ADAMTS16: variants seen among roughly 807,000 people sequenced by gnomAD.
ADAMTS16 encodes the protein ADAM metallopeptidase with thrombospondin type 1 motif 16.
In ADAMTS16, 94 loss-of-function variants were observed where a neutral mutation model predicts 145.8. The observed-to-expected ratio is 0.64, with a 90% CI of 0.55 to 0.77. The LOEUF is 0.77. Ranked by LOEUF, ADAMTS16 falls within the 30% of genes least tolerant of loss-of-function variation. ADAMTS16 has a pLI of 0.00. For missense variants in ADAMTS16, 1,585 were observed against 1,591.5 expected (o/e 1.00, Z 0.07); for synonymous variants, 659 against 604.3 (o/e 1.09, Z -1.33).
rs765015761 is a variant in ADAMTS16, at chr5:5,236,974, G to A, written c.2029G>A (p.Asp677Asn). 18 of 1,612,234 alleles carry A rather than the reference G, an allele frequency of 1.1e-5. No individual in the cohort carries two copies. The South Asian group carries it at 1.9e-4, about 17-fold the overall frequency. ...TGTGTGTATTTCTTTTTAAGATCAGGACTTATGCAAACTCTACTGTATCGC... is the reference window on the plus strand; with the variant it reads ...TGTGTGTATTTCTTTTTAAGATCAGAACTTATGCAAACTCTACTGTATCGC... ...WKPYTQVEDQ[D>N]LCKLYCIAEG... Residue 677 changes from aspartate (D) to asparagine (N), a missense_variant, in exon 14 of 23, where the codon GAC becomes AAC. Physicochemically the swap from Asp to Asn is conservative, Grantham distance 23. Around this residue, in one of 3 missense-constraint regions of ADAMTS16, gnomAD observed 834 missense variants for 811.7 expected, o/e 1.03. Coordinates refer to ENST00000274181, the MANE Select transcript of ADAMTS16 (RefSeq NM_139056.4).
At chr5:5,230,570 G>T (rs1010757883) in intron 11 of ADAMTS16, among the ~76,000 whole-genome samples, 1 of 152,198 alleles carries the variant, frequency 6.6e-6, no homozygotes. Context: ...GTTATTAAAT[G>T]TTGAGGCAGG....
intron 18 of ADAMTS16, among the ~76,000 whole-genome samples, chr5:5,285,020 A>G (rs1739054976): frequency 6.6e-6 from 1 of 152,180 alleles, no homozygotes; most frequent in Admixed American, 6.5e-5. Context: ...TTCTTTTGAG[A>G]TGTTCACAGT....
chr5:5,196,686 G>A (rs921088324), intron 8 of ADAMTS16, among the ~76,000 whole-genome samples: 1 of 152,180 alleles, frequency 6.6e-6, no homozygotes, highest in African/African-American at 2.4e-5. Context: ...ACCATGAATG[G>A]CACTTAGGTG....
intron 18 of ADAMTS16, 104 bp from the exon 19 acceptor site, chr5:5,303,164 A>G (rs1421209381): frequency 1.6e-6 from 2 of 1,240,492 alleles, no homozygotes; most frequent in Non-Finnish European, 2.2e-6. Context: ...CACACACACG[A>G]CCGTGGCTGG....
chr5:5,164,379 C>T lies in ADAMTS16; in HGVS notation c.502-17665C>T, dbSNP rs116721652. ...TGTGTTCTGCATAAGTCAAGGGGAGCGAGTTTGGCACATGACGCCTTCCTG... is the reference window on the plus strand; with the variant it reads ...TGTGTTCTGCATAAGTCAAGGGGAGTGAGTTTGGCACATGACGCCTTCCTG... On this transcript the variant is annotated intron_variant, in intron 3 of 22. Coordinates refer to ENST00000274181, the MANE Select transcript of ADAMTS16 (RefSeq NM_139056.4). Among the ~76,000 whole-genome samples, 768 of 152,294 alleles carry T rather than the reference C, an allele frequency of 5.0e-3. 7 individuals carry two copies. The highest frequency in any genetic ancestry group is 0.017 in the African/African-American group (726 of 41,574).
chr5:5,163,275 A>G (rs773789774), intron 3 of ADAMTS16, among the ~76,000 whole-genome samples: 1 of 152,156 alleles, frequency 6.6e-6, no homozygotes, highest in Non-Finnish European at 1.5e-5. Context: ...TTGCTAAATT[A>G]TTTTATTGGG....
intron 18 of ADAMTS16, among the ~76,000 whole-genome samples, chr5:5,302,325 A>C (rs1441464935): frequency 6.6e-6 from 1 of 152,228 alleles, no homozygotes; most frequent in Non-Finnish European, 1.5e-5. Flanking sequence ...ACAAGCATCA[A>C]CAGCTGCTAA....
chr5:5,242,190 G>A lies in ADAMTS16; in HGVS notation c.2661G>A (p.Gly887=), dbSNP rs200501761. The change falls in exon 17 of 23, where the codon GGG becomes GGA. Residue 887 remains glycine, a splice_region_variant and synonymous_variant. Coordinates refer to ENST00000274181, the MANE Select transcript of ADAMTS16 (RefSeq NM_139056.4). ...CTGAGTGCTCCGTGTCCTGCGGAGG[G>A]GGTAGGTGCCTTCCAGTGCTGCTCC... is the stretch of plus-strand genomic sequence containing the variant. ...VRSECSVSCG[G]GQMTVREGCY... The A allele has an allele frequency of 5.6e-6, 9 of 1,613,654 alleles. No individual in the cohort carries two copies. The highest frequency in any genetic ancestry group is 5.3e-5 in the African/African-American group (4 of 75,036).
At chr5:5,207,930 C>A (rs577888203) in intron 9 of ADAMTS16, among the ~76,000 whole-genome samples, 9 of 152,154 alleles carry the variant, frequency 5.9e-5, no homozygotes, top group African/African-American at 1.9e-4. Flanking sequence ...AATTTGCTAA[C>A]ATTTTGTTGA....
intron 3 of ADAMTS16, among the ~76,000 whole-genome samples, chr5:5,147,615 G>T (rs1411128857): frequency 6.6e-6 from 1 of 152,204 alleles, no homozygotes; most frequent in Non-Finnish European, 1.5e-5. Context: ...AGTTGCCAGG[G>T]ATAGGGTGGT....
At position 5,304,770 on chromosome 5, in the gene ADAMTS16, C is replaced by G. The variant is rs184139822; in HGVS notation, c.3186+1004C>G. Among the ~76,000 whole-genome samples, 252 of 152,178 alleles carry G rather than the reference C, an allele frequency of 1.7e-3. 3 individuals carry two copies. The highest frequency in any genetic ancestry group is 5.4e-3 in the African/African-American group (226 of 41,494). Reference sequence around the variant, plus strand: ...TTGCTAACAATGCACTTCAGGTCCTCTTTCACCTGGAGGGTAGGAATGAGT... The same window carrying G: ...TTGCTAACAATGCACTTCAGGTCCTGTTTCACCTGGAGGGTAGGAATGAGT... On this transcript the variant is annotated intron_variant, in intron 20 of 22. Transcript: ENST00000274181.
intron 3 of ADAMTS16, among the ~76,000 whole-genome samples, chr5:5,169,691 C>A (rs984553592): frequency 2.6e-5 from 4 of 152,218 alleles, no homozygotes; most frequent in Admixed American, 6.5e-5. Flanking sequence ...GTTCATAGAC[C>A]ATTCACGGGC....
intron 9 of ADAMTS16, among the ~76,000 whole-genome samples, chr5:5,201,501 G>A (rs1220874539): frequency 6.6e-6 from 1 of 151,960 alleles, no homozygotes; most frequent in Non-Finnish European, 1.5e-5. Flanking sequence ...TTATTAAAAA[G>A]TAGGGCAAAT....
intron 3 of ADAMTS16, among the ~76,000 whole-genome samples, chr5:5,156,472 G>T (rs1296961842): frequency 6.6e-6 from 1 of 152,176 alleles, no homozygotes; most frequent in Non-Finnish European, 1.5e-5. Context: ...ACTGAAGTAG[G>T]AATATTCCAG....
rs1737307624 is a variant in ADAMTS16, at chr5:5,242,088, G to A, written c.2559G>A (p.Trp853Ter). 1 of 1,613,944 alleles carries A rather than the reference G, an allele frequency of 6.2e-7. No individual in the cohort carries two copies. The highest frequency in any genetic ancestry group is 8.5e-7 in the Non-Finnish European group (1 of 1,179,996). Residue 853 changes from tryptophan to a stop codon, truncating the protein, a stop_gained, in exon 17 of 23, where the codon TGG becomes TGA. Coordinates refer to ENST00000274181, the MANE Select transcript of ADAMTS16 (RefSeq NM_139056.4). LOFTEE classifies it high-confidence loss of function. ...LFQGRNPGVA[W>*]EYSMPRLGTE... ...AGGGAAGGAACCCGGGTGTTGCCTGGGAATACTCCATGCCTCGCTTGGGGA... is the reference window on the plus strand; with the variant it reads ...AGGGAAGGAACCCGGGTGTTGCCTGAGAATACTCCATGCCTCGCTTGGGGA...
chr5:5,267,485 C>T (rs1738284382), intron 18 of ADAMTS16, among the ~76,000 whole-genome samples: 1 of 152,086 alleles, frequency 6.6e-6, no homozygotes, highest in Non-Finnish European at 1.5e-5. Context: ...GGTGGTCTTT[C>T]CCCTGGAGTT....
At chr5:5,154,329 G>A (rs1210280136) in intron 3 of ADAMTS16, among the ~76,000 whole-genome samples, 1 of 152,162 alleles carries the variant, frequency 6.6e-6, no homozygotes, top group African/African-American at 2.4e-5. Context: ...GGAAATTTAA[G>A]GTGGTTGTGA....
At chr5:5,178,548 A>G (rs1560935896) in intron 3 of ADAMTS16, among the ~76,000 whole-genome samples, 1 of 152,256 alleles carries the variant, frequency 6.6e-6, no homozygotes, top group Non-Finnish European at 1.5e-5. Context: ...TTGTTTATCA[A>G]GGCATATCAA....
At chr5:5,232,689 C>T (rs535954486) in intron 12 of ADAMTS16, among the ~76,000 whole-genome samples, 173 bp downstream of exon 12, 167 of 150,938 alleles carry the variant, frequency 1.1e-3, no homozygotes, top group African/African-American at 3.8e-3. Flanking sequence ...CTGCAACCTC[C>T]GCCTCCCGGA....
Sources: allele counts gnomAD v4.1 joint callset (sites outside exome capture counted in the v4.1 genomes callset), GRCh38; gene constraint gnomAD v4.1.1; regional missense constraint gnomAD v4.1.1; transcripts MANE v1.5; gene names NCBI Gene and HGNC (gene_info 2026-07-23, HGNC 2026-07-21).